Variants in EGLN1 observed in about 807,000 individuals in gnomAD.
EGLN1 encodes egl-9 family hypoxia inducible factor 1.
EGLN1 carries 17 observed loss-of-function variants against 38.3 expected under a neutral mutation model. The ratio of observed to expected loss-of-function variants is 0.44; its 90% confidence interval spans 0.30 to 0.67. The LOEUF (loss-of-function observed/expected upper bound fraction) is 0.67. Among genes scored for constraint, EGLN1 ranks in the 30% least tolerant of loss-of-function variants. EGLN1 has a pLI of 0.08. For missense variants in EGLN1, 477 were observed against 603.3 expected (o/e 0.79, Z 2.19); for synonymous variants, 283 against 257.5 (o/e 1.10, Z -0.95).
At chr1:231,409,547 C>G (rs947545487) in intron 1 of EGLN1, among the ~76,000 whole-genome samples, 1 of 152,152 alleles carries the variant, frequency 6.6e-6, no homozygotes, top group African/African-American at 2.4e-5. Flanking sequence ...CCCCATCAGA[C>G]AGGCTTACCA....
chr1:231,411,612 A>T (rs1159127726), intron 1 of EGLN1, among the ~76,000 whole-genome samples: 1 of 152,114 alleles, frequency 6.6e-6, no homozygotes, highest in East Asian at 1.9e-4. Context: ...AATTTTTAAA[A>T]ATTATTTCAT....
chr1:231,384,209 T>A (rs1288156521), intron 1 of EGLN1, among the ~76,000 whole-genome samples: 1 of 152,148 alleles, frequency 6.6e-6, no homozygotes, highest in Non-Finnish European at 1.5e-5. Context: ...ATACACTATG[T>A]GTTCATTCAA....
chr1:231,399,902 C>A (rs1331241112), intron 1 of EGLN1, among the ~76,000 whole-genome samples: 1 of 152,150 alleles, frequency 6.6e-6, no homozygotes. Flanking sequence ...AGGGGAATAA[C>A]AACTTTCAAA....
intron 1 of EGLN1, among the ~76,000 whole-genome samples, chr1:231,408,198 G>C (rs1477251177): frequency 6.6e-6 from 1 of 152,162 alleles, no homozygotes; most frequent in Non-Finnish European, 1.5e-5. Flanking sequence ...GAGGATATCT[G>C]GGAAGCAGAC....
intron 1 of EGLN1, among the ~76,000 whole-genome samples, chr1:231,374,460 C>T (rs897035974): frequency 6.6e-6 from 1 of 152,060 alleles, no homozygotes; most frequent in South Asian, 2.1e-4. Context: ...CCTACTTTAC[C>T]ATCTGATAGG....
chr1:231,392,892 A>G (rs2024879), intron 1 of EGLN1, among the ~76,000 whole-genome samples: 82,839 of 151,942 alleles, frequency 0.55, 24,204 homozygotes, highest in Non-Finnish European at 0.65. Context: ...TTACTTGGGA[A>G]AGCCTGACCT....
chr1:231,391,698 A>G (rs1156230775), intron 1 of EGLN1, among the ~76,000 whole-genome samples: 1 of 152,226 alleles, frequency 6.6e-6, no homozygotes, highest in African/African-American at 2.4e-5. Context: ...ACCAATTTGA[A>G]TAAGTAAACA....
At chr1:231,369,992 T>G (rs554777758) in intron 3 of EGLN1, among the ~76,000 whole-genome samples, 1 of 152,330 alleles carries the variant, frequency 6.6e-6, no homozygotes, top group African/African-American at 2.4e-5. Context: ...GCAAATACCT[T>G]GTAGAAAAAG....
In EGLN1 at chr1:231,366,180, T is replaced by G. The variant is rs552048121; in HGVS notation, c.*231A>C. 342 of 569,984 alleles carry G rather than the reference T, an allele frequency of 6.0e-4. 6 individuals carry two copies. The South Asian group carries it at 7.9e-3, about 13-fold the overall frequency. The allele number at this position is 569,984 out of a possible 1,614,324, so 35.3% of individuals were successfully genotyped here. ...TCCAGATGTAAAAACCATTTTCAATTAGTAGCTTATCTTCCTCCTGTAAGC... is the reference window on the plus strand; with the variant it reads ...TCCAGATGTAAAAACCATTTTCAATGAGTAGCTTATCTTCCTCCTGTAAGC... On this transcript the variant is annotated 3_prime_UTR_variant, in exon 5 of 5. Coordinates refer to ENST00000366641, the MANE Select transcript of EGLN1 (RefSeq NM_022051.3).
At chr1:231,383,230 T>C (rs867273931) in intron 1 of EGLN1, among the ~76,000 whole-genome samples, 1 of 152,150 alleles carries the variant, frequency 6.6e-6, no homozygotes, top group African/African-American at 2.4e-5. Flanking sequence ...TAACATGCCA[T>C]TTAGAAGCTC....
intron 1 of EGLN1, among the ~76,000 whole-genome samples, chr1:231,375,199 G>A (rs1168004466): frequency 6.6e-6 from 1 of 152,154 alleles, no homozygotes; most frequent in Non-Finnish European, 1.5e-5. Flanking sequence ...GGGATTACAG[G>A]TGCATGCTGC....
At chr1:231,379,751 G>A (rs980533453) in intron 1 of EGLN1, among the ~76,000 whole-genome samples, 5 of 152,188 alleles carry the variant, frequency 3.3e-5, no homozygotes, top group Non-Finnish European at 5.9e-5. Flanking sequence ...CAGACATGGG[G>A]AGAACTTGCA....
intron 1 of EGLN1, among the ~76,000 whole-genome samples, chr1:231,398,720 G>A (rs1688591933): frequency 6.7e-6 from 1 of 150,040 alleles, no homozygotes; most frequent in Admixed American, 6.7e-5. Context: ...AAGAATAATG[G>A]AGGTAGGGAG....
At chr1:231,409,680 G>A (rs1461164442) in intron 1 of EGLN1, among the ~76,000 whole-genome samples, 1 of 152,146 alleles carries the variant, frequency 6.6e-6, no homozygotes, top group Non-Finnish European at 1.5e-5. Flanking sequence ...AGAGACAGAC[G>A]AAGGAATCTT....
chr1:231,420,936 C>G lies in EGLN1; in HGVS notation c.891+62G>C. On this transcript the variant is annotated intron_variant, in intron 1 of 4. Coordinates refer to ENST00000366641, the MANE Select transcript of EGLN1 (RefSeq NM_022051.3). Reference sequence around the variant, plus strand: ...GCTTCTCAGCCTAGGCAGTTTCAGTCGCAGGCAGGGGCTGCCCGCCGAGAA... The same window carrying G: ...GCTTCTCAGCCTAGGCAGTTTCAGTGGCAGGCAGGGGCTGCCCGCCGAGAA... 3.1e-6 allele frequency: 5 copies of G among 1,613,248 alleles called. No individual in the cohort carries two copies. The South Asian group carries it at 5.5e-5, about 18-fold the overall frequency.
intron 1 of EGLN1, among the ~76,000 whole-genome samples, chr1:231,404,055 T>C (rs984479421): frequency 1.3e-5 from 2 of 152,092 alleles, no homozygotes; most frequent in African/African-American, 2.4e-5. Flanking sequence ...ATGTCAACAC[T>C]AAAAAAGCTA....
intron 2 of EGLN1, among the ~76,000 whole-genome samples, chr1:231,372,228 C>G (rs1687844255): frequency 6.6e-6 from 1 of 152,200 alleles, no homozygotes. Context: ...AACTGTCAAT[C>G]TTTCTGATCT....
intron 1 of EGLN1, among the ~76,000 whole-genome samples, chr1:231,408,977 A>T (rs1038060882): frequency 1.3e-5 from 2 of 152,074 alleles, no homozygotes; most frequent in African/African-American, 4.8e-5. Flanking sequence ...TTTATAAAAA[A>T]GTAGCAATGG....
At chr1:231,370,719 G>A (rs1687798567) in intron 2 of EGLN1, 21 bp from the exon 3 acceptor site, 1 of 1,613,868 alleles carries the variant, frequency 6.2e-7, no homozygotes, top group Non-Finnish European at 8.5e-7. Flanking sequence ...AGCCAAATAT[G>A]TAAGCAGGAG....
Sources: gnomAD v4.1 joint callset for allele counts (sites outside exome capture counted in the v4.1 genomes callset) on GRCh38, gnomAD v4.1.1 for gene constraint, MANE v1.5 for transcripts, NCBI Gene and HGNC (gene_info 2026-07-23, HGNC 2026-07-21) for gene names.